SPAG5: variants seen among roughly 807,000 people sequenced by gnomAD.
The protein encoded by SPAG5 is sperm-associated antigen 5.
Under a neutral mutation model 145.4 loss-of-function variants are expected in SPAG5, and 99 were observed. The observed-to-expected ratio is 0.68, with a 90% confidence interval of 0.58 to 0.80. The LOEUF is 0.80. SPAG5 is among the 30% of genes least tolerant of loss of function. The pLI, the probability that SPAG5 is intolerant of heterozygous loss-of-function variation, is 0.00. For synonymous variants in SPAG5, 477 were observed against 525.4 expected, an observed-to-expected ratio of 0.91 and a Z score of 1.26; for missense variants, 1,192 against 1,416.0, an observed-to-expected ratio of 0.84 and a Z score of 2.54.
chr17:28,578,310 T>C lies in SPAG5; in HGVS notation c.3355-18A>G. On this transcript the variant is annotated intron_variant, in intron 21 of 23. Coordinates refer to ENST00000321765, the MANE Select transcript of SPAG5 (RefSeq NM_006461.4). ...TTGTCCACCTAGAAATATGTCCAGATCAACAGGGGTACAGCCTGGGGTCCC... is the reference window on the plus strand; with the variant it reads ...TTGTCCACCTAGAAATATGTCCAGACCAACAGGGGTACAGCCTGGGGTCCC... 6.2e-7 allele frequency: 1 copy of C among 1,614,104 alleles called. No individual in the cohort carries two copies. The highest frequency in any genetic ancestry group is 1.3e-5 in the African/African-American group (1 of 75,030).
rs758157299 is a variant in SPAG5, at chr17:28,579,779, T to C, written c.2856A>G (p.Val952=). Residue 952 remains valine, a synonymous_variant, in exon 17 of 24, where the codon GTA becomes GTG. Transcript: ENST00000321765. The stretch of plus-strand genomic sequence containing the variant: ...CGGGCTGAAGGGAAACCATTGATGC[T>C]ACTCGGGTGAAAGCACTCTTGTCAC... ...LGSDKSAFTR[V]ASMVSLQPAE... The C allele has an allele frequency of 2.2e-5, 36 of 1,614,246 alleles. No homozygotes were observed. Among genetic ancestry groups the C allele is most frequent in the Non-Finnish European group, 2.9e-5 (34 of 1,180,034 alleles).
chr17:28,586,261 T>C (rs890138312), intron 5 of SPAG5, 79 bp from the exon 6 acceptor site: 8 of 1,316,218 alleles, frequency 6.1e-6, no homozygotes, highest in Non-Finnish European at 8.8e-6. Flanking sequence ...GGAAAACCGC[T>C]AACCCCAATT....
At chr17:28,577,968 G>T (rs1321900203) in intron 23 of SPAG5, 42 bp downstream of exon 23, 2 of 1,535,990 alleles carry the variant, frequency 1.3e-6, no homozygotes, top group East Asian at 2.3e-5. Flanking sequence ...GCCAGGCCTT[G>T]TACCAGGTTC....
Position 28,579,371 on chromosome 17 carries a change from C to A in SPAG5, c.2999G>T (p.Arg1000Leu), listed in dbSNP as rs2070533710. 6.2e-7 allele frequency: 1 copy of A among 1,613,844 alleles called. No individual in the cohort carries two copies. The highest frequency in any genetic ancestry group is 1.1e-5 in the South Asian group (1 of 91,060). ...SKEEAIRTLQ[R>L]KICELQARLQ... ...AAAACTGCATCCCACTCACATTTTT[C>A]GCTGCAGAGTCCTGATGGCTTCTTC... is the stretch of plus-strand genomic sequence containing the variant. The change falls in exon 18 of 24, where the codon CGA becomes CTA. Residue 1000 changes from arginine (R) to leucine (L), a missense_variant. By Grantham distance (102) the Arg-to-Leu change is moderately radical (BLOSUM62 -2). Transcript: ENST00000321765.
chr17:28,593,818 C>A (rs761062186), intron 2 of SPAG5, among the ~76,000 whole-genome samples: 1 of 151,828 alleles, frequency 6.6e-6, no homozygotes, highest in Non-Finnish European at 1.5e-5. Flanking sequence ...ACAAAAAAAA[C>A]GAGTACTTAA....
intron 6 of SPAG5, 45 bp downstream of exon 6, chr17:28,586,045 T>G (rs772560636): frequency 6.2e-7 from 1 of 1,614,114 alleles, no homozygotes; most frequent in South Asian, 1.1e-5. Flanking sequence ...CTTTATGGCT[T>G]TTAGTCCCAC....
rs758822835 is a variant in SPAG5 at position 28,598,857 on chromosome 17, G to A, written c.51+39C>T. On this transcript the variant is annotated intron_variant, in intron 1 of 23. Coordinates refer to ENST00000321765, the MANE Select transcript of SPAG5 (RefSeq NM_006461.4). ...CACGGCCGGTGCCCCCGCGACAGCAGCCCGGCCCAGTTCTCTCCGCCAGAG... is the reference window on the plus strand; with the variant it reads ...CACGGCCGGTGCCCCCGCGACAGCAACCCGGCCCAGTTCTCTCCGCCAGAG... The A allele has an allele frequency of 1.9e-6, 3 of 1,608,868 alleles. No individual in the cohort carries two copies. In the Admixed American group the frequency reaches 5.0e-5, roughly 27 times the overall value.
intron 3 of SPAG5, 36 bp from the exon 4 acceptor site, chr17:28,591,908 A>AGGAGGGGAAGGGATG (rs1157657485): frequency 1.2e-6 from 2 of 1,610,022 alleles, no homozygotes; most frequent in Admixed American, 3.3e-5. Context: ...CGAAAAGAAA[A>AGGAGGGGAAGGGATG]GGAGGGGAAG....
intron 14 of SPAG5, 58 bp from the exon 15 acceptor site, chr17:28,583,707 T>C: frequency 6.4e-7 from 1 of 1,555,436 alleles, no homozygotes; most frequent in East Asian, 2.3e-5. Flanking sequence ...TGAACGCCTA[T>C]CCCAAATCCC....
rs754664558 is a variant in SPAG5, at chr17:28,579,741, CCCT to C, written c.2884+7_2884+9del. 6.8e-6 allele frequency: 11 copies of C among 1,612,734 alleles called. No homozygotes were observed. The highest frequency in any genetic ancestry group is 1.7e-5 in the Admixed American group (1 of 59,996). On this transcript the variant is annotated splice_region_variant and intron_variant, in intron 17 of 23. Transcript: ENST00000321765. ...AGAAATGAGGCAGGATCCCTGGAGC[CCCT>C]CCTAACCTGCGGGCTGAAGGGAAAC...
chr17:28,583,460 G>A (rs1387301145), intron 15 of SPAG5, 51 bp downstream of exon 15: 1 of 1,508,340 alleles, frequency 6.6e-7, no homozygotes, highest in Non-Finnish European at 8.9e-7. Flanking sequence ...AAGACTATCT[G>A]TAAAATAAAG....
intron 19 of SPAG5, 24 bp from the exon 20 acceptor site, chr17:28,578,776 A>C (rs763562548): frequency 6.3e-7 from 1 of 1,582,916 alleles, no homozygotes; most frequent in African/African-American, 1.3e-5. Flanking sequence ...GGAGGTGAGA[A>C]GACACATGAA....
chr17:28,584,854 G>T, intron 10 of SPAG5, 109 bp from the exon 11 acceptor site: 1 of 896,530 alleles, frequency 1.1e-6, no homozygotes, highest in Non-Finnish European at 1.8e-6. Flanking sequence ...TTGCTCCTGG[G>T]CATCAACATT....
intron 19 of SPAG5, 82 bp downstream of exon 19, chr17:28,579,059 T>C (rs2070529698): frequency 8.3e-7 from 1 of 1,211,076 alleles, no homozygotes; most frequent in Non-Finnish European, 1.2e-6. Context: ...ACCACCCAGA[T>C]TCCTGGAGAG....
Position 28,591,882 on chromosome 17 carries a change from A to G in SPAG5, c.1263-10T>C. On this transcript the variant is annotated splice_polypyrimidine_tract_variant and intron_variant, in intron 3 of 23. Transcript: ENST00000321765. The stretch of plus-strand genomic sequence containing the variant: ...CAGATCTGGAGGCCGGCTGCAGCAG[A>G]AAGAGAAGAACATGACGAAAAGAAA... 6.2e-7 allele frequency: 1 copy of G among 1,613,286 alleles called. No individual in the cohort carries two copies. The highest frequency in any genetic ancestry group is 2.2e-5 in the East Asian group (1 of 44,862).
chr17:28,594,578 G>A (rs2070646917), intron 2 of SPAG5, among the ~76,000 whole-genome samples: 1 of 152,114 alleles, frequency 6.6e-6, no homozygotes, highest in Non-Finnish European at 1.5e-5. Flanking sequence ...CTGGGCAACA[G>A]AGCGAGACTC....
chr17:28,581,600 T>G (rs1008100057), intron 15 of SPAG5, among the ~76,000 whole-genome samples: 1 of 151,266 alleles, frequency 6.6e-6, no homozygotes, highest in Admixed American at 6.6e-5. Flanking sequence ...AGTCTGTCTC[T>G]CCTACCCAGA....
intron 4 of SPAG5, among the ~76,000 whole-genome samples, chr17:28,587,958 G>C (rs1366673920): frequency 1.3e-5 from 2 of 152,140 alleles, no homozygotes; most frequent in African/African-American, 2.4e-5. Context: ...CTCATAGTAT[G>C]CATAGAGTAA....
At chr17:28,594,511 C>T (rs965818348) in intron 2 of SPAG5, among the ~76,000 whole-genome samples, 2 of 152,146 alleles carry the variant, frequency 1.3e-5, no homozygotes, top group Non-Finnish European at 2.9e-5. Flanking sequence ...AGGAGAATGG[C>T]GTGAACCCGG....
Sources: gnomAD v4.1 joint callset for allele counts (sites outside exome capture counted in the v4.1 genomes callset) on GRCh38, gnomAD v4.1.1 for gene constraint, MANE v1.5 for transcripts, NCBI Gene and HGNC (gene_info 2026-07-23, HGNC 2026-07-21) for gene names.